Variants in RBFOX3 observed in about 807,000 individuals in gnomAD.
RBFOX3 encodes RNA binding fox-1 homolog 3, also known as RNA binding protein fox-1 homolog 3.
In RBFOX3, 17 loss-of-function variants were observed where a neutral mutation model predicts 48.7. That is an observed-to-expected ratio of 0.35 (90% confidence interval 0.24 to 0.52). RBFOX3 has a LOEUF of 0.52. Among genes scored for constraint, RBFOX3 ranks in the 20% least tolerant of loss-of-function variants. The pLI, the probability that RBFOX3 is intolerant of heterozygous loss-of-function variation, is 0.94. For missense variants in RBFOX3, 382 were observed against 497.5 expected, an observed-to-expected ratio of 0.77 and a Z score of 2.21; for synonymous variants, 212 against 209.5, an observed-to-expected ratio of 1.01 and a Z score of -0.10.
chr17:79,125,833 C>T (rs1189851077), intron 4 of RBFOX3, among the ~76,000 whole-genome samples: 1 of 152,224 alleles, frequency 6.6e-6, no homozygotes, highest in African/African-American at 2.4e-5. Context: ...AAAGCCCATT[C>T]CAGGCAGAAA....
intron 4 of RBFOX3, among the ~76,000 whole-genome samples, chr17:79,153,736 G>A (rs1250312355): frequency 6.6e-6 from 1 of 152,174 alleles, no homozygotes; most frequent in East Asian, 1.9e-4. Flanking sequence ...CCTGCACCTG[G>A]GCACCTGACT....
At chr17:79,608,106 G>A (rs1455590133) in intron 1 of RBFOX3, among the ~76,000 whole-genome samples, 2 of 152,216 alleles carry the variant, frequency 1.3e-5, no homozygotes, top group African/African-American at 2.4e-5. Flanking sequence ...GAGGGAGGGC[G>A]AGGAGGGCAG....
chr17:79,125,905 C>T (rs1173467870), intron 4 of RBFOX3, among the ~76,000 whole-genome samples: 1 of 152,236 alleles, frequency 6.6e-6, no homozygotes, highest in Non-Finnish European at 1.5e-5. Context: ...TGTGTCACAG[C>T]CTGTGCCACC....
chr17:79,427,658 C>G (rs910005872), intron 2 of RBFOX3, among the ~76,000 whole-genome samples: 1 of 152,180 alleles, frequency 6.6e-6, no homozygotes, highest in African/African-American at 2.4e-5. Context: ...CTAAGGCCCC[C>G]GAAGAAGGAT....
intron 1 of RBFOX3, among the ~76,000 whole-genome samples, chr17:79,491,468 C>T (rs2080641147): frequency 6.6e-6 from 1 of 151,900 alleles, no homozygotes. Context: ...GCAGGAATCT[C>T]AGTAGGGAGG....
intron 4 of RBFOX3, among the ~76,000 whole-genome samples, chr17:79,228,286 G>A (rs948909011): frequency 2.6e-5 from 4 of 152,174 alleles, no homozygotes; most frequent in African/African-American, 4.8e-5. Flanking sequence ...TGGCCATGAA[G>A]CCTGAGAGAG....
At chr17:79,211,680 C>T (rs1015827906) in intron 4 of RBFOX3, among the ~76,000 whole-genome samples, 11 of 152,128 alleles carry the variant, frequency 7.2e-5, no homozygotes, top group African/African-American at 2.2e-4. Context: ...GGTCAGAGTC[C>T]CAGGCTCCGG....
intron 2 of RBFOX3, among the ~76,000 whole-genome samples, chr17:79,426,478 G>A (rs1291473318): frequency 1.3e-5 from 2 of 152,196 alleles, no homozygotes; most frequent in Non-Finnish European, 2.9e-5. Context: ...AGTGTTCTGT[G>A]GTTCCAACAA....
chr17:79,230,110 C>T (rs556664223), intron 4 of RBFOX3, among the ~76,000 whole-genome samples: 13 of 152,254 alleles, frequency 8.5e-5, no homozygotes, highest in Non-Finnish European at 1.5e-4. Context: ...GGGGGTGCCG[C>T]CCAGAGGCAC....
chr17:79,424,918 G>A (rs2067093955), intron 2 of RBFOX3, among the ~76,000 whole-genome samples: 1 of 152,108 alleles, frequency 6.6e-6, no homozygotes, highest in African/African-American at 2.4e-5. Flanking sequence ...TTCCCAGAGG[G>A]AGACACATTT....
intron 1 of RBFOX3, among the ~76,000 whole-genome samples, chr17:79,513,267 A>C (rs997876192): frequency 1.5e-3 from 234 of 151,932 alleles, no homozygotes; most frequent in African/African-American, 5.1e-3. Context: ...CAGGGGACAC[A>C]CACCCGAATG....
At chr17:79,557,525 C>T (rs1295806229) in intron 1 of RBFOX3, among the ~76,000 whole-genome samples, 5 of 152,136 alleles carry the variant, frequency 3.3e-5, no homozygotes, top group South Asian at 2.1e-4. Context: ...GGGAGCCCGG[C>T]GGTGGTGGGG....
At chr17:79,091,798 G>T in intron 14 of RBFOX3, 1 of 275,126 alleles carries the variant, frequency 3.6e-6, no homozygotes, top group Non-Finnish European at 5.5e-6. Context: ...TTGGCCCTGC[G>T]GTGCTAAGGG....
chr17:79,383,545 T>C (rs2060196482), intron 2 of RBFOX3, among the ~76,000 whole-genome samples: 1 of 152,190 alleles, frequency 6.6e-6, no homozygotes, highest in Non-Finnish European at 1.5e-5. Context: ...GGAACACGCA[T>C]CCCTGGAGGA....
At chr17:79,644,109 T>C in the RBFOX3 span, among the ~76,000 whole-genome samples, 1 of 152,164 alleles carries the variant, frequency 6.6e-6, no homozygotes, top group South Asian at 2.1e-4. Context: ...TTAAATGAGA[T>C]GGACATATTT....
At chr17:79,656,710 AGAGAGAGAGAGACAG>A in the RBFOX3 span, among the ~76,000 whole-genome samples, 1 of 85,008 alleles carries the variant, frequency 1.2e-5, no homozygotes, top group African/African-American at 6.1e-5. Flanking sequence ...GGAAGGAAGG[AGAGAGAGAGAGACAG>A]AAAGAAAGAA....
chr17:79,629,916 G>A, the RBFOX3 span, among the ~76,000 whole-genome samples: 17 of 152,262 alleles, frequency 1.1e-4, 1 homozygote, highest in South Asian at 2.5e-3. Flanking sequence ...CCAGGCCTCC[G>A]AAGCAGGCTG....
At chr17:79,146,982 C>T (rs1370921441) in intron 4 of RBFOX3, among the ~76,000 whole-genome samples, 4 of 152,208 alleles carry the variant, frequency 2.6e-5, no homozygotes, top group African/African-American at 7.2e-5. Context: ...CCTGGACACA[C>T]CCAGGGGTGA....
At chr17:79,208,308 G>T (rs185661612) in intron 4 of RBFOX3, 14 of 152,466 alleles carry the variant, frequency 9.2e-5, no homozygotes, top group African/African-American at 3.1e-4. Context: ...ACCCGGCCAG[G>T]CCATCCCAGC....
Sources: allele counts gnomAD v4.1 joint callset (sites outside exome capture counted in the v4.1 genomes callset), GRCh38; gene constraint gnomAD v4.1.1; transcripts MANE v1.5; gene names NCBI Gene and HGNC (gene_info 2026-07-23, HGNC 2026-07-21).